Variants in ACTR3C observed in about 807,000 individuals in gnomAD.
ACTR3C encodes the protein actin related protein 3C.
In ACTR3C, 18 loss-of-function variants were observed where a neutral mutation model predicts 26.3. That is an observed-to-expected ratio of 0.68 (90% CI 0.47 to 1.01). ACTR3C has a LOEUF of 1.01. Among genes scored for constraint, ACTR3C ranks in the 50% least tolerant of loss-of-function variants. The pLI is 0.00. For missense variants in ACTR3C, 184 were observed against 250.7 expected (o/e 0.73, Z 1.80); for synonymous variants, 55 against 94.5 (o/e 0.58, Z 2.42).
At chr7:150,275,493 C>T (rs1834798496) in intron 6 of ACTR3C, among the ~76,000 whole-genome samples, 1 of 152,160 alleles carries the variant, frequency 6.6e-6, no homozygotes, top group African/African-American at 2.4e-5. Context: ...GGCAGATCAC[C>T]TGAGGTCAGG....
At chr7:150,035,698 G>T in the ACTR3C span, among the ~76,000 whole-genome samples, 61 of 139,806 alleles carry the variant, frequency 4.4e-4, 10 homozygotes, top group East Asian at 1.7e-3. Context: ...ATCAGCGATG[G>T]GGGTCCTAAG....
the ACTR3C span, among the ~76,000 whole-genome samples, chr7:149,963,322 C>T: frequency 3.3e-5 from 5 of 152,184 alleles, no homozygotes; most frequent in African/African-American, 7.2e-5. Context: ...CTGTTGAACA[C>T]ACATTTTTCT....
intron 6 of ACTR3C, among the ~76,000 whole-genome samples, chr7:150,283,240 T>C (rs1041299451): frequency 2.0e-5 from 3 of 148,236 alleles, no homozygotes; most frequent in South Asian, 2.1e-4. Context: ...CTGCTGCTGC[T>C]TTCACTGATG....
At chr7:150,303,532 A>C (rs1795595034) in intron 1 of ACTR3C, among the ~76,000 whole-genome samples, 1 of 152,236 alleles carries the variant, frequency 6.6e-6, no homozygotes, top group African/African-American at 2.4e-5. Context: ...ATGTATTTCC[A>C]TTTAAAGGAA....
At chr7:150,117,497 C>G in the ACTR3C span, among the ~76,000 whole-genome samples, 1 of 152,246 alleles carries the variant, frequency 6.6e-6, no homozygotes, top group Non-Finnish European at 1.5e-5. Flanking sequence ...CCCATGGCAG[C>G]ACGGCCAAGC....
At chr7:149,921,400 T>C in the ACTR3C span, among the ~76,000 whole-genome samples, 1 of 152,188 alleles carries the variant, frequency 6.6e-6, no homozygotes. Flanking sequence ...TACTACCTCA[T>C]GTAACCTCCA....
At chr7:150,250,419 G>GAC (rs1754413041) in intron 6 of ACTR3C, among the ~76,000 whole-genome samples, 1 of 151,678 alleles carries the variant, frequency 6.6e-6, no homozygotes, top group Non-Finnish European at 1.5e-5. Flanking sequence ...TAGCCAGGAT[G>GAC]GTCTTGACCT....
At chr7:150,303,013 C>T (rs1795546843) in intron 1 of ACTR3C, 1 of 152,260 alleles carries the variant, frequency 6.6e-6, no homozygotes, top group African/African-American at 2.4e-5. Context: ...TTGAGTGACA[C>T]CACTATGACA....
intron 4 of ACTR3C, among the ~76,000 whole-genome samples, chr7:150,288,403 CTT>C (rs796852488): frequency 7.7e-6 from 1 of 129,552 alleles, no homozygotes. Context: ...AGGCTCAATT[CTT>C]TTTTTTTTTT....
chr7:150,093,306 G>A, the ACTR3C span, among the ~76,000 whole-genome samples: 5 of 151,094 alleles, frequency 3.3e-5, no homozygotes, highest in South Asian at 2.1e-4. Flanking sequence ...ATGCTTGATC[G>A]GTGATTTTTC....
At chr7:150,075,882 A>T in the ACTR3C span, among the ~76,000 whole-genome samples, 42 of 152,290 alleles carry the variant, frequency 2.8e-4, no homozygotes, top group South Asian at 8.7e-3. Flanking sequence ...CAGCATGCAG[A>T]TCTCACACTC....
the ACTR3C span, among the ~76,000 whole-genome samples, chr7:150,057,390 C>T: frequency 6.6e-6 from 1 of 150,464 alleles, no homozygotes; most frequent in African/African-American, 2.4e-5. Flanking sequence ...AAGTGATTCT[C>T]CTGCCTCAGA....
chr7:150,195,708 G>C, the ACTR3C span, among the ~76,000 whole-genome samples: 1 of 152,114 alleles, frequency 6.6e-6, no homozygotes. Flanking sequence ...GTGAAACCTT[G>C]TCTCTACTAA....
At chr7:150,005,415 T>C in the ACTR3C span, among the ~76,000 whole-genome samples, 1 of 152,198 alleles carries the variant, frequency 6.6e-6, no homozygotes, top group Admixed American at 6.5e-5. Flanking sequence ...ATGAAACTGA[T>C]GTGAGATTTT....
chr7:150,035,738 T>G, the ACTR3C span, among the ~76,000 whole-genome samples: 2 of 135,542 alleles, frequency 1.5e-5, 1 homozygote, highest in Non-Finnish European at 3.3e-5. Flanking sequence ...TGGCTCTCAG[T>G]CCCCGCCTCG....
At chr7:150,197,886 G>A in the ACTR3C span, among the ~76,000 whole-genome samples, 5 of 121,308 alleles carry the variant, frequency 4.1e-5, no homozygotes, top group Admixed American at 3.6e-4. Context: ...CTCTCCCCAC[G>A]GTCTCCCTCT....
chr7:150,131,555 T>C, the ACTR3C span, among the ~76,000 whole-genome samples: 1 of 152,140 alleles, frequency 6.6e-6, no homozygotes, highest in Non-Finnish European at 1.5e-5. Flanking sequence ...AATGGCTGAA[T>C]CTTAGCCAGG....
the ACTR3C span, chr7:150,076,530 C>G: frequency 6.6e-6 from 1 of 152,012 alleles, no homozygotes; most frequent in Non-Finnish European, 1.5e-5. Context: ...AATTCCTTCT[C>G]GCCCACACCT....
At chr7:149,991,729 G>GT in the ACTR3C span, among the ~76,000 whole-genome samples, 14 of 152,134 alleles carry the variant, frequency 9.2e-5, no homozygotes, top group African/African-American at 3.4e-4. Context: ...TCGATCTTAT[G>GT]TTTTTTTGGT....
Sources: gnomAD v4.1 joint callset for allele counts (sites outside exome capture counted in the v4.1 genomes callset) on GRCh38, gnomAD v4.1.1 for gene constraint, MANE v1.5 for transcripts, NCBI Gene and HGNC (gene_info 2026-07-23, HGNC 2026-07-21) for gene names.